Variants in KCNMA1 observed in about 807,000 individuals in gnomAD.
The protein encoded by KCNMA1 is potassium calcium-activated channel subfamily M alpha 1.
KCNMA1 carries 29 observed loss-of-function variants against 140.0 expected under a neutral mutation model. That is an observed-to-expected ratio of 0.21 (90% CI 0.15 to 0.28). The LOEUF (loss-of-function observed/expected upper bound fraction) is 0.28, where lower values mean the gene tolerates loss of function less well. KCNMA1 is among the 10% of genes least tolerant of loss of function. KCNMA1 has a pLI of 1.00. For synonymous variants in KCNMA1, 612 were observed against 611.9 expected (o/e 1.00, Z 0.00); for missense variants, 880 against 1,602.2 (o/e 0.55, Z 7.70).
intron 1 of KCNMA1, among the ~76,000 whole-genome samples, chr10:77,546,798 G>A (rs1026074777): frequency 3.9e-5 from 6 of 152,180 alleles, no homozygotes; most frequent in Admixed American, 1.3e-4. Flanking sequence ...CAAAGATGGC[G>A]GGGCAGACCT....
chr10:77,399,409 A>G (rs2096186360), intron 2 of KCNMA1, among the ~76,000 whole-genome samples: 1 of 152,232 alleles, frequency 6.6e-6, no homozygotes, highest in South Asian at 2.1e-4. Flanking sequence ...GCAAACATAT[A>G]TTACTTTTAT....
intron 2 of KCNMA1, among the ~76,000 whole-genome samples, chr10:77,338,196 G>A (rs531620172): frequency 3.4e-4 from 52 of 152,158 alleles, no homozygotes; most frequent in African/African-American, 9.4e-4. Flanking sequence ...ACCTTCTTTC[G>A]GAGATTTCCT....
chr10:77,168,918 A>G (rs1256742832), intron 5 of KCNMA1, among the ~76,000 whole-genome samples: 2 of 152,206 alleles, frequency 1.3e-5, no homozygotes, highest in African/African-American at 2.4e-5. Flanking sequence ...TATCTTCTTC[A>G]TGTCATTGCC....
intron 1 of KCNMA1, among the ~76,000 whole-genome samples, chr10:77,432,388 T>C (rs2097173211): frequency 6.6e-6 from 1 of 152,226 alleles, no homozygotes; most frequent in Non-Finnish European, 1.5e-5. Context: ...GTCATCCTGC[T>C]TCTCTTATTT....
chr10:77,149,551 T>C (rs1006852010), intron 5 of KCNMA1, among the ~76,000 whole-genome samples: 3 of 152,226 alleles, frequency 2.0e-5, no homozygotes, highest in Non-Finnish European at 4.4e-5. Context: ...GCTTAGCTCA[T>C]AAACCCTTTG....
chr10:77,048,021 G>A (rs1404299706), intron 14 of KCNMA1, among the ~76,000 whole-genome samples: 4 of 151,800 alleles, frequency 2.6e-5, no homozygotes, highest in Admixed American at 6.6e-5. Context: ...ACTGGCTCAC[G>A]CCTGTAATCC....
chr10:77,160,952 C>T (rs1163875214), intron 5 of KCNMA1, among the ~76,000 whole-genome samples: 1 of 152,190 alleles, frequency 6.6e-6, no homozygotes, highest in African/African-American at 2.4e-5. Flanking sequence ...CCATGAAATA[C>T]ACACAGACAG....
intron 7 of KCNMA1, among the ~76,000 whole-genome samples, chr10:77,111,663 G>C (rs1468348020): frequency 6.6e-6 from 1 of 152,174 alleles, no homozygotes; most frequent in African/African-American, 2.4e-5. Context: ...AGTGTGGGTA[G>C]CTAAGCGCGT....
intron 2 of KCNMA1, among the ~76,000 whole-genome samples, chr10:77,359,739 G>A (rs954277011): frequency 6.6e-6 from 1 of 152,190 alleles, no homozygotes; most frequent in African/African-American, 2.4e-5. Flanking sequence ...ACGGAGATGG[G>A]AGCTCTGGGG....
At chr10:76,960,646 T>TTTTTTTTTA (rs1565205821) in intron 20 of KCNMA1, among the ~76,000 whole-genome samples, 1 of 139,990 alleles carries the variant, frequency 7.1e-6, no homozygotes, top group Non-Finnish European at 1.6e-5. Context: ...TTTTTTTTTT[T>TTTTTTTTTA]ACAAATTGAA....
At chr10:77,472,407 C>A (rs549666943) in intron 1 of KCNMA1, among the ~76,000 whole-genome samples, 1 of 150,780 alleles carries the variant, frequency 6.6e-6, no homozygotes, top group South Asian at 2.1e-4. Flanking sequence ...GACACAGACA[C>A]ATACACATAG....
intron 1 of KCNMA1, among the ~76,000 whole-genome samples, chr10:77,607,784 C>G (rs1222607020): frequency 6.6e-6 from 1 of 152,186 alleles, no homozygotes; most frequent in East Asian, 1.9e-4. Flanking sequence ...TTTCCGACTT[C>G]TCGCCTTCAG....
intron 2 of KCNMA1, among the ~76,000 whole-genome samples, chr10:77,263,019 A>T (rs1201994209): frequency 6.6e-6 from 1 of 152,184 alleles, no homozygotes; most frequent in Admixed American, 6.5e-5. Context: ...TACAAAATGG[A>T]AGGAAAATTC....
chr10:77,032,911 T>C (rs1346581845), intron 15 of KCNMA1, among the ~76,000 whole-genome samples: 1 of 152,252 alleles, frequency 6.6e-6, no homozygotes, highest in African/African-American at 2.4e-5. Flanking sequence ...CTGGTGTTAA[T>C]TAAACATGGA....
In KCNMA1 at chr10:77,224,362, C is replaced by T. The variant is rs148560826; in HGVS notation, c.602+26833G>A. 1.3e-3 allele frequency among the ~76,000 whole-genome samples: 197 copies of T among 152,336 alleles called. 1 individual carries two copies. Among genetic ancestry groups the T allele is most frequent in the African/African-American group, 4.3e-3 (178 of 41,574 alleles). On this transcript the variant is annotated intron_variant, in intron 3 of 27. Coordinates refer to ENST00000286628, the MANE Select transcript of KCNMA1 (RefSeq NM_001161352.2). ...GGAGTTTTGAGGATGGAGCTGAGCA[C>T]GTGGATTTCACATCTTCTCCTCTTT...
At chr10:77,217,420 C>A in intron 3 of KCNMA1, 1 of 444,032 alleles carries the variant, frequency 2.3e-6, no homozygotes, top group Non-Finnish European at 4.6e-6. Context: ...GGCCTTACTT[C>A]TCACATGGCC....
chr10:77,037,202 G>A (rs902102122), intron 15 of KCNMA1, among the ~76,000 whole-genome samples: 3 of 152,128 alleles, frequency 2.0e-5, no homozygotes, highest in African/African-American at 7.2e-5. Context: ...AGTGGGTCAG[G>A]GTTGGCAAAC....
chr10:77,035,463 A>G (rs915601746), intron 15 of KCNMA1, among the ~76,000 whole-genome samples: 1 of 152,234 alleles, frequency 6.6e-6, no homozygotes, highest in African/African-American at 2.4e-5. Context: ...TTAGCCAGAC[A>G]GTAAACTCTG....
chr10:77,040,179 CTT>C (rs1459079371), intron 14 of KCNMA1, among the ~76,000 whole-genome samples: 2 of 151,978 alleles, frequency 1.3e-5, no homozygotes, highest in African/African-American at 4.8e-5. Context: ...CGTGCACAGT[CTT>C]TAATCTGTAT....
Sources: gnomAD v4.1 joint callset for allele counts (sites outside exome capture counted in the v4.1 genomes callset) on GRCh38, gnomAD v4.1.1 for gene constraint, MANE v1.5 for transcripts, NCBI Gene and HGNC (gene_info 2026-07-23, HGNC 2026-07-21) for gene names.